R3HDML: variants seen among roughly 807,000 people sequenced by gnomAD.
R3HDML encodes peptidase inhibitor R3HDML.
A neutral mutation model predicts 24.2 loss-of-function variants in R3HDML; 21 were observed. That is an observed-to-expected ratio of 0.87 (90% CI 0.62 to 1.25). The LOEUF (loss-of-function observed/expected upper bound fraction) is 1.25. Ranked by LOEUF, R3HDML falls within the 50% of genes most tolerant of loss-of-function variation. The pLI is 0.00. For synonymous variants in R3HDML, 133 were observed against 131.5 expected (o/e 1.01, Z -0.08); for missense variants, 301 against 340.3 (o/e 0.88, Z 0.91).
intron 1 of R3HDML, among the ~76,000 whole-genome samples, chr20:44,340,222 TG>T (rs2146108406): frequency 6.6e-6 from 1 of 152,128 alleles, no homozygotes; most frequent in African/African-American, 2.4e-5. Flanking sequence ...CCCAAAGTGC[TG>T]GGATTACAGA....
chr20:44,348,030 T>C (rs113207370), intron 4 of R3HDML, among the ~76,000 whole-genome samples: 15,063 of 145,688 alleles, frequency 0.1, 957 homozygotes, highest in Middle Eastern at 0.18. Flanking sequence ...AGTGGCATGG[T>C]CACAGCTCAC....
At position 44,351,059 on chromosome 20, in the gene R3HDML, G is replaced by A; in HGVS notation, c.*267G>A. 2.7e-6 allele frequency: 1 copy of A among 373,150 alleles called. No homozygotes were observed. Among genetic ancestry groups the A allele is most frequent in the Non-Finnish European group, 4.8e-6 (1 of 207,500 alleles). The allele number at this position is 373,150 out of a possible 1,614,324, so 23.1% of individuals were successfully genotyped here. ...GCATCTTTCATTAATTCGGTTCTCAGAGAACCAAGGCTGGAAGGCATAGAA... is the reference window on the plus strand; with the variant it reads ...GCATCTTTCATTAATTCGGTTCTCAAAGAACCAAGGCTGGAAGGCATAGAA... On this transcript the variant is annotated 3_prime_UTR_variant, in exon 5 of 5. Coordinates refer to ENST00000217043, the MANE Select transcript of R3HDML (RefSeq NM_178491.4).
chr20:44,341,303 C>A lies in R3HDML; in HGVS notation c.369C>A (p.Ile123=), dbSNP rs988074818. The stretch of plus-strand genomic sequence containing the variant: ...GATACGTGGGCCAGAACCTCTCCAT[C>A]CATTCTGGCCAGTGAGTGACCCTCT... ...LMRYVGQNLS[I]HSGQYRSVVD... The change falls in exon 2 of 5, where the codon ATC becomes ATA. Residue 123 remains isoleucine (I), a synonymous_variant. Transcript: ENST00000217043. 4 of 1,611,684 alleles carry A rather than the reference C, an allele frequency of 2.5e-6. No homozygotes were observed. In the African/African-American group the frequency reaches 4.0e-5, roughly 16 times the overall value.
intron 1 of R3HDML, among the ~76,000 whole-genome samples, chr20:44,340,391 CGGATATCTT>C (rs1381105695): frequency 6.6e-6 from 1 of 152,160 alleles, no homozygotes; most frequent in Non-Finnish European, 1.5e-5. Flanking sequence ...TGTGCCCAAG[CGGATATCTT>C]ACATATTAAA....
intron 4 of R3HDML, among the ~76,000 whole-genome samples, chr20:44,349,198 T>G (rs1266978235): frequency 6.7e-6 from 1 of 149,006 alleles, no homozygotes; most frequent in Non-Finnish European, 1.5e-5. Context: ...AAATAGCCTC[T>G]GTGGTGCCTT....
chr20:44,344,642 G>T (rs2062781185), intron 3 of R3HDML, among the ~76,000 whole-genome samples: 1 of 151,534 alleles, frequency 6.6e-6, no homozygotes, highest in African/African-American at 2.4e-5. Context: ...AATTAGCTAG[G>T]TATGCTGGTG....
Position 44,337,273 on chromosome 20 carries a change from C to T in R3HDML, c.116C>T (p.Thr39Met), listed in dbSNP as rs150159953. 3.8e-5 allele frequency: 62 copies of T among 1,614,142 alleles called. No individual in the cohort carries two copies. The highest frequency in any genetic ancestry group is 2.9e-4 in the East Asian group (13 of 44,884). ...ATPAPAQPES[T>M]AMRLLSGLEV... is the part of the protein sequence containing the mutation. ...CCAGCCCCGGCCCAGCCCGAGAGCACGGCTATGCGGCTCCTGAGTGGCCTG... is the reference window on the plus strand; with the variant it reads ...CCAGCCCCGGCCCAGCCCGAGAGCATGGCTATGCGGCTCCTGAGTGGCCTG... The change falls in exon 1 of 5, where the codon ACG (threonine) becomes ATG (methionine). Residue 39 changes from threonine to methionine, a missense_variant. Transcript: ENST00000217043. The surrounding 1 kb of genome is among the most constrained non-coding windows in gnomAD (Gnocchi z 4.7).
At position 44,350,157 on chromosome 20, in the gene R3HDML, A is replaced by G. The variant is rs1286799986; in HGVS notation, c.630-503A>G. On this transcript the variant is annotated intron_variant, in intron 4 of 4. Transcript: ENST00000217043. ...GGCACAGTGCTAGGTGCATACATACATGTGATCTTTGCTGAATTCCTTAGA... is the reference window on the plus strand; with the variant it reads ...GGCACAGTGCTAGGTGCATACATACGTGTGATCTTTGCTGAATTCCTTAGA... Among the ~76,000 whole-genome samples, 4 of 152,244 alleles carry G rather than the reference A, an allele frequency of 2.6e-5. No individual in the cohort carries two copies. In the East Asian group the frequency reaches 5.8e-4, roughly 22 times the overall value.
Position 44,341,277 on chromosome 20 carries a change from A to G in R3HDML, c.343A>G (p.Arg115Gly). The G allele has an allele frequency of 6.2e-7, 1 of 1,614,156 alleles. No homozygotes were observed. Among genetic ancestry groups the G allele is most frequent in the Non-Finnish European group, 8.5e-7 (1 of 1,179,996 alleles). The change falls in exon 2 of 5, where the codon AGA becomes GGA. Residue 115 changes from arginine to glycine, a missense_variant. Transcript: ENST00000217043. ...GGCACATGGGCCTTCACAGCTGATG[A>G]GATACGTGGGCCAGAACCTCTCCAT... ...IWAHGPSQLM[R>G]YVGQNLSIHS...
In R3HDML at chr20:44,337,576, G is replaced by C. The variant is rs77000628; in HGVS notation, c.261+158G>C. ...TGGGTGTCGACCTGTGGAAAGGGCA[G>C]GAGTTAATCTGCCCATTTTACAGAT... On this transcript the variant is annotated intron_variant, in intron 1 of 4. Transcript: ENST00000217043. This position sits in a 1 kb window ranked among gnomAD's most constrained non-coding sequence, Gnocchi z 4.7. Among the ~76,000 whole-genome samples, 1,281 of 152,310 alleles carry C rather than the reference G, an allele frequency of 8.4e-3. 19 individuals carry two copies. The highest frequency in any genetic ancestry group is 0.029 in the African/African-American group (1,193 of 41,552).
chr20:44,345,035 A>G, intron 3 of R3HDML: 1 of 550,622 alleles, frequency 1.8e-6, no homozygotes, highest in East Asian at 3.1e-5. Flanking sequence ...GTCTGTTTGT[A>G]CACCTGTAAC....
chr20:44,342,624 A>G (rs1293787458), intron 2 of R3HDML, among the ~76,000 whole-genome samples: 1 of 152,166 alleles, frequency 6.6e-6, no homozygotes, highest in Non-Finnish European at 1.5e-5. Context: ...ATATTTTTAT[A>G]TATTTGTGCC....
chr20:44,338,068 C>T (rs1254542771), intron 1 of R3HDML, among the ~76,000 whole-genome samples: 2 of 152,198 alleles, frequency 1.3e-5, no homozygotes, highest in Non-Finnish European at 2.9e-5. Context: ...GTGGCTCTCA[C>T]TCCAGCCCCC....
intron 4 of R3HDML, 56 bp from the exon 5 acceptor site, chr20:44,350,604 T>G (rs1004281921): frequency 6.4e-7 from 1 of 1,570,716 alleles, no homozygotes; most frequent in Non-Finnish European, 8.6e-7. Flanking sequence ...TGGACATCTG[T>G]GTGAAGGTTA....
intron 3 of R3HDML, among the ~76,000 whole-genome samples, chr20:44,344,150 A>T (rs1393873320): frequency 2.6e-5 from 4 of 152,122 alleles, no homozygotes; most frequent in Non-Finnish European, 5.9e-5. Context: ...GCTTGGTGGC[A>T]TGTGCCTATA....
At chr20:44,343,546 C>A (rs1042474567) in intron 3 of R3HDML, 37 bp downstream of exon 3, 1 of 1,545,624 alleles carries the variant, frequency 6.5e-7, no homozygotes, top group Non-Finnish European at 8.7e-7. Context: ...CCTGGGATAA[C>A]ACATCCTGGC....
At chr20:44,341,364 T>C (rs2062771975) in intron 2 of R3HDML, 50 bp downstream of exon 2, 2 of 1,414,116 alleles carry the variant, frequency 1.4e-6, no homozygotes, top group African/African-American at 2.8e-5. Flanking sequence ...CAAATACTCA[T>C]TGAACACTTA....
At chr20:44,339,659 C>A (rs1371760822) in intron 1 of R3HDML, among the ~76,000 whole-genome samples, 1 of 150,876 alleles carries the variant, frequency 6.6e-6, no homozygotes, top group African/African-American at 2.4e-5. Flanking sequence ...AGAATATATA[C>A]CTGTATACAG....
At chr20:44,346,037 C>T (rs1234546644) in intron 4 of R3HDML, among the ~76,000 whole-genome samples, 1 of 152,164 alleles carries the variant, frequency 6.6e-6, no homozygotes, top group Non-Finnish European at 1.5e-5. Context: ...CCAGACTGGT[C>T]TCAAACCCCT....
Sources: gnomAD v4.1 joint callset for allele counts (sites outside exome capture counted in the v4.1 genomes callset) on GRCh38, gnomAD v4.1.1 for gene constraint, Gnocchi (gnomAD v3.1) non-coding constraint, MANE v1.5 for transcripts, NCBI Gene and HGNC (gene_info 2026-07-23, HGNC 2026-07-21) for gene names.